PEMT: variants seen among roughly 807,000 people sequenced by gnomAD.
PEMT encodes the protein phosphatidylethanolamine N-methyltransferase, also known as phospholipid methyltransferase.
In PEMT, 23 loss-of-function variants were observed where a neutral mutation model predicts 27.4. The observed-to-expected ratio is 0.84, with a 90% CI of 0.60 to 1.19. The LOEUF (loss-of-function observed/expected upper bound fraction) is 1.19, where lower values mean the gene tolerates loss of function less well. PEMT is among the 50% of genes most tolerant of loss of function. The pLI, the probability that PEMT is intolerant of heterozygous loss-of-function variation, is 0.00. For synonymous variants in PEMT, 137 were observed against 139.1 expected, an observed-to-expected ratio of 0.98 and a Z score of 0.11; for missense variants, 307 against 310.1, an observed-to-expected ratio of 0.99 and a Z score of 0.07.
intron 2 of PEMT, among the ~76,000 whole-genome samples, chr17:17,530,031 G>A (rs1907978593): frequency 1.3e-5 from 2 of 152,222 alleles, no homozygotes; most frequent in African/African-American, 4.8e-5. Context: ...CATGAAGAGG[G>A]GCTGGGGGAA....
chr17:17,562,059 T>G (rs535121247), intron 2 of PEMT, among the ~76,000 whole-genome samples: 1 of 152,168 alleles, frequency 6.6e-6, no homozygotes, highest in East Asian at 1.9e-4. Flanking sequence ...TTCCGGCCCA[T>G]TGGAGTCGGC....
chr17:17,541,596 C>T (rs1479161439), intron 2 of PEMT, among the ~76,000 whole-genome samples: 2 of 152,256 alleles, frequency 1.3e-5, no homozygotes, highest in Admixed American at 1.3e-4. Flanking sequence ...AAACATCTGC[C>T]CAGACCTGGG....
At chr17:17,564,394 G>A (rs1291932393) in intron 2 of PEMT, among the ~76,000 whole-genome samples, 1 of 152,068 alleles carries the variant, frequency 6.6e-6, no homozygotes, top group Admixed American at 6.5e-5. Context: ...CATCTCCCTT[G>A]GATTAACAGA....
At chr17:17,592,103 C>T, upstream of PEMT, 1 of 985,344 alleles carries the variant, frequency 1.0e-6, no homozygotes, top group Non-Finnish European at 1.2e-6. Context: ...GCCCCACACG[C>T]CCAGGGCCCC....
intron 2 of PEMT, among the ~76,000 whole-genome samples, chr17:17,534,297 A>G (rs1344490605): frequency 2.0e-5 from 3 of 152,280 alleles, no homozygotes; most frequent in Non-Finnish European, 4.4e-5. Context: ...AAGAGCATCC[A>G]TCACCCACAA....
At chr17:17,540,033 T>C (rs958718611) in intron 2 of PEMT, among the ~76,000 whole-genome samples, 1 of 152,094 alleles carries the variant, frequency 6.6e-6, no homozygotes, top group African/African-American at 2.4e-5. Context: ...GCTGGGGGCA[T>C]GGAAGGACAG....
intron 2 of PEMT, among the ~76,000 whole-genome samples, chr17:17,522,776 T>C (rs1907373118): frequency 6.6e-6 from 1 of 151,864 alleles, no homozygotes; most frequent in African/African-American, 2.4e-5. Context: ...TCCCACAGAC[T>C]CTAAAAGGGC....
At chr17:17,589,732 A>C (rs529829180) in intron 1 of PEMT, among the ~76,000 whole-genome samples, 77 of 152,352 alleles carry the variant, frequency 5.1e-4, no homozygotes, top group Admixed American at 1.9e-3. Flanking sequence ...GAGCTACCAC[A>C]TAAGCAAATA....
chr17:17,550,542 C>G (rs975667563), intron 2 of PEMT, among the ~76,000 whole-genome samples: 2 of 152,206 alleles, frequency 1.3e-5, no homozygotes, highest in African/African-American at 4.8e-5. Context: ...CAGTTCAAAA[C>G]CAAACAAGAA....
At chr17:17,516,394 G>A (rs558100279) in intron 3 of PEMT, among the ~76,000 whole-genome samples, 11 of 151,396 alleles carry the variant, frequency 7.3e-5, no homozygotes, top group Non-Finnish European at 1.2e-4. Flanking sequence ...TGAATAACAC[G>A]TCACCTTTCC....
intron 3 of PEMT, among the ~76,000 whole-genome samples, chr17:17,520,277 C>G (rs1226392239): frequency 6.6e-6 from 1 of 152,150 alleles, no homozygotes; most frequent in East Asian, 1.9e-4. Context: ...CAAGAGGCAG[C>G]ATGGGTAGGA....
intron 2 of PEMT, among the ~76,000 whole-genome samples, chr17:17,575,414 G>A (rs1249291561): frequency 1.3e-5 from 2 of 152,258 alleles, no homozygotes; most frequent in African/African-American, 2.4e-5. Flanking sequence ...GGATGTGGAC[G>A]TCTTTGCAGG....
Position 17,508,846 on chromosome 17 carries a change from A to G in PEMT, c.578+588T>C, listed in dbSNP as rs1176894248. On this transcript the variant is annotated intron_variant, in intron 5 of 6. Coordinates refer to ENST00000255389, the MANE Select transcript of PEMT (RefSeq NM_148172.3). ...GGTATCTGCCACATGGGCAGAGGCT[A>G]TTGGGGCACAGGGAGTTCTGTCAGC... 1.4e-5 allele frequency: 6 copies of G among 432,020 alleles called. No individual in the cohort carries two copies. The East Asian group carries it at 2.3e-4, about 17-fold the overall frequency. 26.8% of individuals were successfully genotyped at this position (432,020 alleles called of 1,614,324 possible).
chr17:17,577,581 A>C, intron 1 of PEMT: 1 of 899,432 alleles, frequency 1.1e-6, no homozygotes, highest in Non-Finnish European at 1.3e-6. Context: ...GGGCACGTGG[A>C]CACTGCCCCC....
At chr17:17,547,156 T>C (rs1228470516) in intron 2 of PEMT, among the ~76,000 whole-genome samples, 1 of 152,248 alleles carries the variant, frequency 6.6e-6, no homozygotes, top group East Asian at 1.9e-4. Flanking sequence ...GGCAAGGAGC[T>C]CCGAGGTGCT....
chr17:17,575,593 T>C (rs1409649583), intron 2 of PEMT, among the ~76,000 whole-genome samples: 1 of 152,184 alleles, frequency 6.6e-6, no homozygotes. Context: ...CAGAGGCCCA[T>C]GTCAGGAGGC....
intron 1 of PEMT, 100 bp downstream of exon 1, chr17:17,591,431 G>C: frequency 3.2e-6 from 3 of 942,556 alleles, no homozygotes; most frequent in Non-Finnish European, 3.1e-6. Context: ...GGGAACTGGC[G>C]GCCCCGCCCC....
In PEMT at chr17:17,591,316, C is replaced by G. The variant is rs1912573266; in HGVS notation, c.96+215G>C. ...CAGGAACGCCCCCGTCTCTGACACA[C>G]GCAATCTGAGGTTTACACGCGCGCG... On this transcript the variant is annotated intron_variant, in intron 1 of 6. Coordinates refer to ENST00000255389, the MANE Select transcript of PEMT (RefSeq NM_148172.3). The G allele has an allele frequency of 1.1e-5, 6 of 551,348 alleles. No homozygotes were observed. In the South Asian group the frequency reaches 1.4e-4, roughly 12 times the overall value. The allele number at this position is 551,348 out of a possible 1,614,324, so 34.2% of individuals were successfully genotyped here. A position where few individuals can be genotyped will look rare whatever the true frequency, so the allele number is the denominator to read the frequency against.
At position 17,582,250 on chromosome 17, in the gene PEMT, G is replaced by T; in HGVS notation, c.97-5223C>A. 1.0e-6 allele frequency: 1 copy of T among 985,360 alleles called. No homozygotes were observed. The highest frequency in any genetic ancestry group is 1.7e-5 in the African/African-American group (1 of 57,336). 61.0% of individuals were successfully genotyped at this position (985,360 alleles called of 1,614,324 possible). On this transcript the variant is annotated intron_variant, in intron 1 of 6. Coordinates refer to ENST00000255389, the MANE Select transcript of PEMT (RefSeq NM_148172.3). The surrounding 1 kb of genome is among the most constrained non-coding windows in gnomAD (Gnocchi z 4.9). ...GCAGAGGCCTCGGAATCTGACTAAAGGAAAGGAGCTACCCACCACGGCCAG... is the reference window on the plus strand; with the variant it reads ...GCAGAGGCCTCGGAATCTGACTAAATGAAAGGAGCTACCCACCACGGCCAG...
Sources: allele counts gnomAD v4.1 joint callset (sites outside exome capture counted in the v4.1 genomes callset), GRCh38; gene constraint gnomAD v4.1.1; non-coding constraint Gnocchi (gnomAD v3.1); transcripts MANE v1.5; gene names NCBI Gene and HGNC (gene_info 2026-07-23, HGNC 2026-07-21).